The following ATM variants were observed in gnomAD, a reference collection of about 807,000 sequenced individuals.
ATM encodes the protein serine-protein kinase ATM.
In ATM, 308 loss-of-function variants were observed where a neutral mutation model predicts 387.0. That is an observed-to-expected ratio of 0.80 (90% CI 0.73 to 0.87). The LOEUF (loss-of-function observed/expected upper bound fraction) is 0.87. Ranked by LOEUF, ATM falls within the 40% of genes least tolerant of loss-of-function variation. The pLI is 0.00. For synonymous variants in ATM, 1,156 were observed against 1,187.3 expected (o/e 0.97, Z 0.54); for missense variants, 3,312 against 3,560.9 (o/e 0.93, Z 1.78).
chr11:108,246,460 C>T (rs4987926), intron 7 of ATM, among the ~76,000 whole-genome samples: 3,585 of 152,232 alleles, frequency 0.024, 107 homozygotes, highest in African/African-American at 0.075. Context: ...TTTTGTTTCG[C>T]ATACTAGTCA....
intron 37 of ATM, among the ~76,000 whole-genome samples, chr11:108,306,719 TC>T (rs1232253347): frequency 2.6e-5 from 4 of 152,374 alleles, no homozygotes; most frequent in Admixed American, 2.6e-4. Flanking sequence ...GTGTATCTTT[TC>T]TGATGGCTAT....
intron 42 of ATM, 132 bp from the exon 43 acceptor site, chr11:108,317,241 T>G: frequency 2.3e-6 from 2 of 887,002 alleles, no homozygotes; most frequent in Non-Finnish European, 3.5e-6. Flanking sequence ...ACCCAGCTGA[T>G]ATTTTGGGAT....
intron 16 of ATM, among the ~76,000 whole-genome samples, chr11:108,259,913 G>T (rs2080755506): frequency 6.6e-6 from 1 of 151,468 alleles, no homozygotes; most frequent in African/African-American, 2.4e-5. Flanking sequence ...CATTTTCCAT[G>T]TCACTGTACT....
At position 108,250,719 on chromosome 11, in the gene ATM, A is replaced by G. The variant is rs4987943; in HGVS notation, c.1254A>G (p.Gln418=). Reference sequence around the variant, plus strand: ...TTTTTAGGCTACAGATTGCAACCCAATTAATATCAAAGTATCCTGCAAGTT... The same window carrying G: ...TTTTTAGGCTACAGATTGCAACCCAGTTAATATCAAAGTATCCTGCAAGTT... ...DLVPWLQIAT[Q]LISKYPASLP... The change falls in exon 10 of 63, where the codon CAA becomes CAG. Residue 418 remains glutamine, a synonymous_variant. Transcript: ENST00000675843. The G allele has an allele frequency of 5.0e-3, 8,055 of 1,606,724 alleles. 276 individuals carry two copies. The African/African-American group carries it at 0.081, about 16-fold the overall frequency.
Position 108,279,523 on chromosome 11 carries a change from G to C in ATM, c.3317G>C (p.Arg1106Thr). Residue 1106 changes from arginine (R) to threonine (T), a missense_variant, in exon 23 of 63, where the codon AGG becomes ACG. Arg to Thr is a moderately conservative substitution (Grantham distance 71, BLOSUM62 -1). Coordinates refer to ENST00000675843, the MANE Select transcript of ATM (RefSeq NM_000051.4). Reference sequence around the variant, plus strand: ...CAGGACACGAAGGGAGATTCTTCCAGGTTACTGAAAGCACTTCCTTTGAAG... The same window carrying C: ...CAGGACACGAAGGGAGATTCTTCCACGTTACTGAAAGCACTTCCTTTGAAG... ...LFQDTKGDSS[R>T]LLKALPLKLQ... 6.2e-7 allele frequency: 1 copy of C among 1,613,214 alleles called. No individual in the cohort carries two copies. The highest frequency in any genetic ancestry group is 8.5e-7 in the Non-Finnish European group (1 of 1,179,500).
At chr11:108,359,628 C>G (rs181866676) in intron 61 of ATM, among the ~76,000 whole-genome samples, 2 of 152,276 alleles carry the variant, frequency 1.3e-5, no homozygotes, top group Admixed American at 6.5e-5. Context: ...AACTAGAACT[C>G]AGGATTAAGA....
intron 45 of ATM, among the ~76,000 whole-genome samples, chr11:108,324,346 A>G (rs1434667384): frequency 6.6e-6 from 1 of 152,048 alleles, no homozygotes; most frequent in Non-Finnish European, 1.5e-5. Flanking sequence ...TACTGTAGTT[A>G]TTTTTCCTAA....
At chr11:108,325,211 T>C in intron 45 of ATM, 99 bp from the exon 46 acceptor site, 2 of 813,450 alleles carry the variant, frequency 2.5e-6, no homozygotes, top group South Asian at 1.7e-5. Context: ...TCCTTTGTAT[T>C]ATTATAATAT....
intron 56 of ATM, among the ~76,000 whole-genome samples, chr11:108,337,948 G>A (rs1376354330): frequency 6.6e-6 from 1 of 152,226 alleles, no homozygotes; most frequent in East Asian, 1.9e-4. Context: ...GCAAATGCCT[G>A]ACCTAGAATA....
intron 4 of ATM, 122 bp from the exon 5 acceptor site, chr11:108,235,548 C>A (rs2079227133): frequency 1.1e-6 from 1 of 951,182 alleles, no homozygotes; most frequent in African/African-American, 1.7e-5. Flanking sequence ...CCAATTTCTT[C>A]TCTACAAAAG....
chr11:108,236,203 C>T, intron 5 of ATM: 1 of 269,612 alleles, frequency 3.7e-6, no homozygotes, highest in South Asian at 3.8e-5. Context: ...TAAACTCAAC[C>T]ATGATTTAAG....
intron 13 of ATM, among the ~76,000 whole-genome samples, chr11:108,255,333 G>A (rs1397608565): frequency 6.6e-6 from 1 of 151,522 alleles, no homozygotes; most frequent in African/African-American, 2.4e-5. Context: ...CTCCTAAAAT[G>A]CCGTTTCCTA....
intron 16 of ATM, among the ~76,000 whole-genome samples, chr11:108,260,746 G>A (rs1469303686): frequency 6.6e-6 from 1 of 152,186 alleles, no homozygotes; most frequent in Non-Finnish European, 1.5e-5. Flanking sequence ...ATCTCACTAG[G>A]GAGTGCCAGA....
At chr11:108,282,000 C>T (rs1000299930) in intron 24 of ATM, among the ~76,000 whole-genome samples, 1 of 152,166 alleles carries the variant, frequency 6.6e-6, no homozygotes, top group African/African-American at 2.4e-5. Context: ...GGGTCTCACT[C>T]TGTCACCCAA....
intron 55 of ATM, among the ~76,000 whole-genome samples, chr11:108,335,605 G>C (rs1007267291): frequency 6.6e-6 from 1 of 152,044 alleles, no homozygotes; most frequent in Admixed American, 6.5e-5. Context: ...TGCCTTCCTA[G>C]GGGGGACTTC....
Position 108,294,920 on chromosome 11 carries a change from C to G in ATM, c.4777-7C>G, listed in dbSNP as rs1565465976. 1 of 1,613,456 alleles carries G rather than the reference C, an allele frequency of 6.2e-7. No individual in the cohort carries two copies. Among genetic ancestry groups the G allele is most frequent in the Non-Finnish European group, 8.5e-7 (1 of 1,179,654 alleles). On this transcript the variant is annotated splice_region_variant and splice_polypyrimidine_tract_variant and intron_variant, in intron 31 of 62. Coordinates refer to ENST00000675843, the MANE Select transcript of ATM (RefSeq NM_000051.4). ...GTGTTAAAAGCAAGTTACATTTTCTCTTTTAGGAAATTAACCATTTTCTCT... is the reference window on the plus strand; with the variant it reads ...GTGTTAAAAGCAAGTTACATTTTCTGTTTTAGGAAATTAACCATTTTCTCT...
intron 9 of ATM, 25 bp downstream of exon 9, chr11:108,249,127 C>T (rs2135297040): frequency 7.4e-6 from 12 of 1,612,414 alleles, no homozygotes; most frequent in Non-Finnish European, 1.0e-5. Context: ...TTTTCTCATT[C>T]AGTGTCATTT....
In ATM at chr11:108,244,009, G is replaced by C; in HGVS notation, c.553G>C (p.Val185Leu). 1 of 1,612,430 alleles carries C rather than the reference G, an allele frequency of 6.2e-7. No individual in the cohort carries two copies. Among genetic ancestry groups the C allele is most frequent in the Non-Finnish European group, 8.5e-7 (1 of 1,179,440 alleles). ...YLKPSQDVHR[V>L]LVARIIHAVT... ...GAAACCTTCACAAGATGTTCATAGA[G>C]TTTTAGTGGCTAGAATAATTCATGC... is the stretch of plus-strand genomic sequence containing the variant. The change falls in exon 6 of 63, where the codon GTT becomes CTT. Residue 185 changes from valine to leucine, a missense_variant. Physicochemically the swap from Val to Leu is conservative, Grantham distance 32. This residue lies in a region of ATM where 1,791 missense variants were observed against 1,804.5 expected (regional missense o/e 0.99). Coordinates refer to ENST00000675843, the MANE Select transcript of ATM (RefSeq NM_000051.4).
Position 108,335,961 on chromosome 11 carries a change from G to T in ATM, c.8268G>T (p.Lys2756Asn), listed in dbSNP as rs1555128642. The change falls in exon 56 of 63, where the codon AAG (lysine) becomes AAT (asparagine). Residue 2756 changes from lysine to asparagine, a missense_variant and splice_region_variant. By Grantham distance (94) the Lys-to-Asn change is moderately conservative. This residue lies in a region of ATM where 1,405 missense variants were observed against 1,604.4 expected (regional missense o/e 0.88). Coordinates refer to ENST00000675843, the MANE Select transcript of ATM (RefSeq NM_000051.4). ...RKRKLTICTY[K>N]VVPLSQRSGV... ...GGAAATTAACTATCTGTACTTATAA[G>T]GTAACTATTTGTACTTCTGTTAGTT... is the stretch of plus-strand genomic sequence containing the variant. 1 of 1,598,216 alleles carries T rather than the reference G, an allele frequency of 6.3e-7. No homozygotes were observed.
Sources: allele counts gnomAD v4.1 joint callset (sites outside exome capture counted in the v4.1 genomes callset), GRCh38; gene constraint gnomAD v4.1.1; regional missense constraint gnomAD v4.1.1; transcripts MANE v1.5; gene names NCBI Gene and HGNC (gene_info 2026-07-23, HGNC 2026-07-21).